ILK: variants seen among roughly 807,000 people sequenced by gnomAD.
ILK encodes scaffold protein ILK.
A neutral mutation model predicts 57.8 loss-of-function variants in ILK; 37 were observed. The ratio of observed to expected loss-of-function variants is 0.64; its 90% confidence interval spans 0.49 to 0.84. ILK has a LOEUF of 0.84. Among genes scored for constraint, ILK ranks in the 40% least tolerant of loss-of-function variants. ILK has a pLI of 0.00. For missense variants in ILK, 528 were observed against 595.7 expected (o/e 0.89, Z 1.18); for synonymous variants, 231 against 202.2 (o/e 1.14, Z -1.21).
chr11:6,606,888 C>T (rs1854966399), intron 2 of ILK: 1 of 152,208 alleles, frequency 6.6e-6, no homozygotes. Flanking sequence ...GAGGCAAGAC[C>T]AACTGATAAA....
In ILK at chr11:6,604,505, T is replaced by C. The variant is rs1402846008; in HGVS notation, c.89+145T>C. 32 of 745,434 alleles carry C rather than the reference T, an allele frequency of 4.3e-5. No homozygotes were observed. In the East Asian group the frequency reaches 8.6e-4, roughly 20 times the overall value. The allele number at this position is 745,434 out of a possible 1,614,324, so 46.2% of individuals were successfully genotyped here. A position where few individuals can be genotyped will look rare whatever the true frequency, so the allele number is the denominator to read the frequency against. ...ATAGCCTGTGGGGGGCAGAGGGTTT[T>C]CACAGAGGACGCAGTTTGAGCTGAA... On this transcript the variant is annotated intron_variant, in intron 2 of 12. Transcript: ENST00000299421.
At chr11:6,605,816 C>T (rs1438137303) in intron 2 of ILK, among the ~76,000 whole-genome samples, 1 of 152,166 alleles carries the variant, frequency 6.6e-6, no homozygotes, top group African/African-American at 2.4e-5. Flanking sequence ...TGAACACCTT[C>T]TGTGCTGGGT....
chr11:6,610,394 A>G, intron 12 of ILK, 68 bp from the exon 13 acceptor site: 1 of 1,613,370 alleles, frequency 6.2e-7, no homozygotes, highest in Non-Finnish European at 8.5e-7. Flanking sequence ...TCCTGTCCCA[A>G]GGGCCAGTGG....
chr11:6,610,081 A>T (rs1248303978), intron 11 of ILK, 46 bp downstream of exon 11: 1 of 1,613,870 alleles, frequency 6.2e-7, no homozygotes, highest in Non-Finnish European at 8.5e-7. Flanking sequence ...ACCACCTCAG[A>T]AGTAGTGGAA....
At position 6,608,069 on chromosome 11, in the gene ILK, T is replaced by C; in HGVS notation, c.113T>C (p.Leu38Ser). The change falls in exon 3 of 13, where the codon TTG becomes TCG. Residue 38 changes from leucine (L) to serine (S), a missense_variant. Leu to Ser is a moderately radical substitution (Grantham distance 145). Coordinates refer to ENST00000299421, the MANE Select transcript of ILK (RefSeq NM_004517.4). This position sits in a 1 kb window ranked among gnomAD's most constrained non-coding sequence, Gnocchi z 4.9. ...NQGDDHGFSP[L>S]HWACREGRSA... is the part of the protein sequence containing the mutation. ...AGGGACGATCATGGCTTCTCCCCCT[T>C]GCACTGGGCCTGCCGAGAGGGCCGC... 2 of 1,614,056 alleles carry C rather than the reference T, an allele frequency of 1.2e-6. No homozygotes were observed. The highest frequency in any genetic ancestry group is 1.1e-5 in the South Asian group (1 of 91,076).
At chr11:6,604,651 G>A (rs1431549805) in intron 2 of ILK, 1 of 540,256 alleles carries the variant, frequency 1.9e-6, no homozygotes, top group Non-Finnish European at 3.4e-6. Flanking sequence ...GAAATTGTCT[G>A]GAGTTCCATA....
chr11:6,604,210 C>T lies in ILK; in HGVS notation c.-62C>T, dbSNP rs986813713. ...AAAGCTTGGGGTTCATCCTCCTTCC[C>T]TGGATCACTCCACAGTCCTCAGGCT... On this transcript the variant is annotated 5_prime_UTR_variant, in exon 2 of 13. Coordinates refer to ENST00000299421, the MANE Select transcript of ILK (RefSeq NM_004517.4). 1.4e-6 allele frequency: 2 copies of T among 1,437,008 alleles called. No individual in the cohort carries two copies. The highest frequency in any genetic ancestry group is 1.2e-5 in the South Asian group (1 of 84,088). 89.0% of individuals were successfully genotyped at this position (1,437,008 alleles called of 1,614,324 possible).
At position 6,610,282 on chromosome 11, in the gene ILK, A is replaced by G. The variant is rs1490570076; in HGVS notation, c.1209+4A>G. 6.2e-7 allele frequency: 1 copy of G among 1,614,052 alleles called. No homozygotes were observed. The highest frequency in any genetic ancestry group is 8.5e-7 in the Non-Finnish European group (1 of 1,180,054). On this transcript the variant is annotated splice_donor_region_variant and intron_variant, in intron 12 of 12. Coordinates refer to ENST00000299421, the MANE Select transcript of ILK (RefSeq NM_004517.4). ...CAATATGGAGATTGGAATGAAGGTG[A>G]GAGCACAACAGCATACATTTGTGTT...
In ILK at chr11:6,608,771, CCT is replaced by C. The variant is rs767593692; in HGVS notation, c.430_431del (p.Leu144GlufsTer45). 16 of 1,613,892 alleles carry C rather than the reference CCT, an allele frequency of 9.9e-6. No individual in the cohort carries two copies. The highest frequency in any genetic ancestry group is 2.7e-5 in the African/African-American group (2 of 74,894). On this transcript the variant is annotated frameshift_variant, in exon 5 of 13. Transcript: ENST00000299421. LOFTEE classifies it high-confidence loss of function. The surrounding 1 kb of genome is among the most constrained non-coding windows in gnomAD (Gnocchi z 4.9). ...EMPVDKAKAP[L>X]RELLRERAEK... ...TGCCTGTGGACAAAGCCAAGGCACCCCTGAGAGAGCTTCTCCGAGGTCCATCT... is the reference window on the plus strand; with the variant it reads ...TGCCTGTGGACAAAGCCAAGGCACCCGAGAGAGCTTCTCCGAGGTCCATCT...
intron 6 of ILK, 49 bp downstream of exon 6, chr11:6,609,016 C>T (rs751144669): frequency 6.2e-7 from 1 of 1,611,890 alleles, no homozygotes; most frequent in South Asian, 1.1e-5. Context: ...ATAATCCTGG[C>T]CTCTTGGGGC....
At chr11:6,604,953 AAAGAG>A in intron 2 of ILK, 1 of 451,608 alleles carries the variant, frequency 2.2e-6, no homozygotes, top group Middle Eastern at 3.3e-4. Context: ...GGTGAGTGAA[AAAGAG>A]AAGTGATCAA....
At chr11:6,607,908 G>T (rs1310387345) in intron 2 of ILK, 138 bp from the exon 3 acceptor site, 10 of 848,944 alleles carry the variant, frequency 1.2e-5, no homozygotes, top group Non-Finnish European at 1.7e-5. Context: ...ACAGCTTTGG[G>T]AGTTGCTGGC....
At chr11:6,607,810 T>C in intron 2 of ILK, 1 of 554,452 alleles carries the variant, frequency 1.8e-6, no homozygotes, top group South Asian at 2.0e-5. Flanking sequence ...ATGTGGGATA[T>C]GGTGAAGATA....
Position 6,608,933 on chromosome 11 carries a change from C to T in ILK, c.498C>T (p.Asp166=), listed in dbSNP as rs1855210788. 6.2e-7 allele frequency: 1 copy of T among 1,614,196 alleles called. No homozygotes were observed. Among genetic ancestry groups the T allele is most frequent in the African/African-American group, 1.3e-5 (1 of 75,046 alleles). The change falls in exon 6 of 13, where the codon GAC becomes GAT. Residue 166 remains aspartate (D), a synonymous_variant. Transcript: ENST00000299421. This position sits in a 1 kb window ranked among gnomAD's most constrained non-coding sequence, Gnocchi z 4.9. The part of the protein sequence containing the change: ...GQNLNRIPYK[D]TFWKGTTRTR... ...ATCTCAACCGTATTCCATACAAGGA[C>T]ACATTCTGGAAGGGGACCACCCGCA...
Position 6,608,739 on chromosome 11 carries a change from G to A in ILK, c.397G>A (p.Gly133Arg), listed in dbSNP as rs761991240. ...GALVSICNKY[G>R]EMPVDKAKAP... Reference sequence around the variant, plus strand: ...CCTTGTCAGCATCTGTAACAAGTATGGAGAGATGCCTGTGGACAAAGCCAA... The same window carrying A: ...CCTTGTCAGCATCTGTAACAAGTATAGAGAGATGCCTGTGGACAAAGCCAA... The change falls in exon 5 of 13, where the codon GGA becomes AGA. Residue 133 changes from glycine to arginine, a missense_variant. Gly to Arg is a moderately radical substitution (Grantham distance 125). Coordinates refer to ENST00000299421, the MANE Select transcript of ILK (RefSeq NM_004517.4). This position sits in a 1 kb window ranked among gnomAD's most constrained non-coding sequence, Gnocchi z 4.9. 1.9e-6 allele frequency: 3 copies of A among 1,614,138 alleles called. No individual in the cohort carries two copies. The highest frequency in any genetic ancestry group is 2.5e-6 in the Non-Finnish European group (3 of 1,179,996).
rs573765878 is a variant in ILK at position 6,609,288 on chromosome 11, C to T, written c.619-11C>T. 9.9e-5 allele frequency: 159 copies of T among 1,613,386 alleles called. 2 individuals carry two copies. In the South Asian group the frequency reaches 1.5e-3, roughly 15 times the overall value. On this transcript the variant is annotated splice_polypyrimidine_tract_variant and intron_variant, in intron 7 of 12. Coordinates refer to ENST00000299421, the MANE Select transcript of ILK (RefSeq NM_004517.4). ...ACATTTCAAGCCTCCTAACCCCTAC[C>T]TGTCCTGCAGCTATGGAAGGGCCGC...
intron 12 of ILK, 40 bp from the exon 13 acceptor site, chr11:6,610,422 G>A (rs375466436): frequency 1.2e-6 from 2 of 1,614,076 alleles, no homozygotes; most frequent in Non-Finnish European, 1.7e-6. Flanking sequence ...CTACATGACA[G>A]ACTCAAATTG....
chr11:6,604,339 C>T lies in ILK; in HGVS notation c.68C>T (p.Thr23Met), dbSNP rs1221055442. Residue 23 changes from threonine (T) to methionine (M), a missense_variant, in exon 2 of 13, where the codon ACG (threonine) becomes ATG (methionine). Physicochemically the swap from Thr to Met is moderately conservative, Grantham distance 81 (BLOSUM62 -1). Transcript: ENST00000299421. ...AVAVRLWLDN[T>M]ENDLNQGDDH... The stretch of plus-strand genomic sequence containing the variant: ...GCCGTTCGCCTGTGGCTGGACAACA[C>T]GGAGAACGACCTCAACCAGGGGTGA... 1 of 1,611,098 alleles carries T rather than the reference C, an allele frequency of 6.2e-7. No homozygotes were observed. Among genetic ancestry groups the T allele is most frequent in the South Asian group, 1.1e-5 (1 of 90,440 alleles).
intron 2 of ILK, among the ~76,000 whole-genome samples, chr11:6,605,258 T>C (rs542627049): frequency 1.1e-4 from 17 of 152,250 alleles, no homozygotes; most frequent in Middle Eastern, 3.4e-3. Flanking sequence ...ATATATATCA[T>C]ATATATAGAT....
Sources: allele counts gnomAD v4.1 joint callset (sites outside exome capture counted in the v4.1 genomes callset), GRCh38; gene constraint gnomAD v4.1.1; non-coding constraint Gnocchi (gnomAD v3.1); transcripts MANE v1.5; gene names NCBI Gene and HGNC (gene_info 2026-07-23, HGNC 2026-07-21).